The following EYS variants were observed in gnomAD, a reference collection of about 807,000 sequenced individuals.
EYS encodes protein eyes shut homolog.
A neutral mutation model predicts 282.1 loss-of-function variants in EYS; 250 were observed. The ratio of observed to expected loss-of-function variants is 0.89; its 90% CI spans 0.80 to 0.98. The LOEUF is 0.98. Among genes scored for constraint, EYS ranks in the 50% least tolerant of loss-of-function variants. The pLI is 0.00. For synonymous variants in EYS, 1,355 were observed against 1,282.9 expected (o/e 1.06, Z -1.20); for missense variants, 4,016 against 3,709.0 (o/e 1.08, Z -2.15).
intron 21 of EYS, among the ~76,000 whole-genome samples, chr6:64,814,676 C>T (rs1451559588): frequency 2.6e-5 from 4 of 151,828 alleles, no homozygotes; most frequent in East Asian, 1.9e-4. Context: ...AAGATTTGCA[C>T]CCATAATTCT....
At chr6:64,229,544 G>T (rs1159950521) in intron 31 of EYS, among the ~76,000 whole-genome samples, 1 of 152,156 alleles carries the variant, frequency 6.6e-6, no homozygotes, top group African/African-American at 2.4e-5. Context: ...GCATTTTATA[G>T]ATAAAATCAA....
intron 2 of EYS, among the ~76,000 whole-genome samples, chr6:65,498,741 T>C (rs9345642): frequency 0.22 from 33,631 of 151,908 alleles, 3,934 homozygotes; most frequent in Middle Eastern, 0.33. Flanking sequence ...TGGATTTTAT[T>C]GGGAACTAGA....
chr6:64,326,716 C>T (rs1026363398), intron 29 of EYS, among the ~76,000 whole-genome samples: 12 of 152,206 alleles, frequency 7.9e-5, no homozygotes, highest in African/African-American at 2.9e-4. Flanking sequence ...CTTGGCACTG[C>T]CAGGAGAGTT....
intron 31 of EYS, among the ~76,000 whole-genome samples, chr6:64,127,070 T>G (rs912119266): frequency 6.6e-6 from 1 of 152,150 alleles, no homozygotes; most frequent in African/African-American, 2.4e-5. Context: ...GAAAGGCAAA[T>G]GTTTATTTGA....
At chr6:64,891,642 A>C (rs1767296328) in intron 18 of EYS, among the ~76,000 whole-genome samples, 1 of 152,078 alleles carries the variant, frequency 6.6e-6, no homozygotes, top group South Asian at 2.1e-4. Context: ...CCTTTATGCT[A>C]ACCACCTCTA....
At chr6:64,697,526 T>C (rs555802543) in intron 22 of EYS, among the ~76,000 whole-genome samples, 2 of 152,278 alleles carry the variant, frequency 1.3e-5, no homozygotes, top group Admixed American at 6.5e-5. Context: ...AACAGGACTT[T>C]AGACCAAATA....
At chr6:64,680,839 A>G (rs1769871938) in intron 22 of EYS, among the ~76,000 whole-genome samples, 1 of 152,142 alleles carries the variant, frequency 6.6e-6, no homozygotes, top group Non-Finnish European at 1.5e-5. Flanking sequence ...CCCGGGGAAA[A>G]CACAGTCCAT....
chr6:64,545,575 C>A (rs1286382915), intron 26 of EYS, among the ~76,000 whole-genome samples: 1 of 152,108 alleles, frequency 6.6e-6, no homozygotes, highest in Admixed American at 6.6e-5. Context: ...AAGAGGAAAT[C>A]AAAATGTTCT....
At chr6:64,079,817 T>C (rs984514296) in intron 32 of EYS, among the ~76,000 whole-genome samples, 4 of 152,104 alleles carry the variant, frequency 2.6e-5, no homozygotes, top group African/African-American at 7.2e-5. Context: ...GAATATGCGA[T>C]GTTTGGTTTT....
intron 30 of EYS, among the ~76,000 whole-genome samples, chr6:64,249,376 G>A (rs1319006755): frequency 6.6e-6 from 1 of 152,088 alleles, no homozygotes; most frequent in African/African-American, 2.4e-5. Flanking sequence ...ATGGAGTCTT[G>A]GAAGAGTGAG....
intron 12 of EYS, among the ~76,000 whole-genome samples, chr6:65,216,110 T>C (rs1766306041): frequency 6.6e-6 from 1 of 152,172 alleles, no homozygotes. Context: ...TAATTTTTCA[T>C]ATAAATTGTA....
chr6:65,361,476 C>G (rs1476432112), intron 8 of EYS, among the ~76,000 whole-genome samples: 1 of 127,424 alleles, frequency 7.8e-6, no homozygotes. Context: ...TTCCTTCTTT[C>G]GTTCGTTCGT....
At chr6:64,215,458 G>A (rs1041080088) in intron 31 of EYS, among the ~76,000 whole-genome samples, 3 of 152,052 alleles carry the variant, frequency 2.0e-5, no homozygotes, top group Non-Finnish European at 2.9e-5. Context: ...TCAGGGCACA[G>A]ATTGAAATGA....
chr6:65,531,194 T>A (rs781529157), intron 2 of EYS, among the ~76,000 whole-genome samples: 1 of 152,026 alleles, frequency 6.6e-6, no homozygotes, highest in Non-Finnish European at 1.5e-5. Flanking sequence ...GAGTTCAGGA[T>A]AGGAAATTTT....
At chr6:64,135,064 G>A (rs2150284214) in intron 31 of EYS, among the ~76,000 whole-genome samples, 1 of 152,154 alleles carries the variant, frequency 6.6e-6, no homozygotes, top group South Asian at 2.1e-4. Flanking sequence ...GTATCTCTGG[G>A]ATATACCTCA....
intron 12 of EYS, among the ~76,000 whole-genome samples, chr6:65,222,502 C>A (rs747220724): frequency 1.3e-5 from 2 of 152,298 alleles, no homozygotes; most frequent in African/African-American, 2.4e-5. Context: ...GCATGTGGAA[C>A]TGTGAGTCCA....
chr6:64,208,842 CT>C (rs1401016541), intron 31 of EYS, among the ~76,000 whole-genome samples: 6 of 152,068 alleles, frequency 3.9e-5, no homozygotes. Context: ...GAGAAAGATT[CT>C]GTTTCTATGT....
chr6:64,352,054 A>C (rs1265684233), intron 29 of EYS, among the ~76,000 whole-genome samples: 1 of 151,528 alleles, frequency 6.6e-6, no homozygotes, highest in African/African-American at 2.4e-5. Flanking sequence ...AATACCTCCT[A>C]TATTAATCTT....
At chr6:64,972,093 C>A (rs972270303) in intron 14 of EYS, among the ~76,000 whole-genome samples, 1 of 152,050 alleles carries the variant, frequency 6.6e-6, no homozygotes, top group Admixed American at 6.6e-5. Context: ...CACACCACAC[C>A]AAACAAATTA....
Sources: gnomAD v4.1 joint callset for allele counts (sites outside exome capture counted in the v4.1 genomes callset) on GRCh38, gnomAD v4.1.1 for gene constraint, MANE v1.5 for transcripts, NCBI Gene and HGNC (gene_info 2026-07-23, HGNC 2026-07-21) for gene names.